The following IMMP2L variants were observed in gnomAD, a reference collection of about 807,000 sequenced individuals.
The protein encoded by IMMP2L is inner mitochondrial membrane peptidase subunit 2, also known as mitochondrial inner membrane protease subunit 2.
IMMP2L carries 18 observed loss-of-function variants against 19.3 expected under a neutral mutation model. The ratio of observed to expected loss-of-function variants is 0.93; its 90% CI spans 0.64 to 1.38. The LOEUF (loss-of-function observed/expected upper bound fraction) is 1.38. IMMP2L is among the 40% of genes most tolerant of loss of function. The probability of loss-of-function intolerance (pLI) is 0.00; values close to 1 mark genes in which losing one functional copy is unlikely to be tolerated. For synonymous variants in IMMP2L, 76 were observed against 73.0 expected, an observed-to-expected ratio of 1.04 and a Z score of -0.21; for missense variants, 233 against 218.2, an observed-to-expected ratio of 1.07 and a Z score of -0.43.
intron 1 of IMMP2L, among the ~76,000 whole-genome samples, chr7:111,538,354 G>C (rs1674941496): frequency 6.6e-6 from 1 of 152,102 alleles, no homozygotes; most frequent in African/African-American, 2.4e-5. Flanking sequence ...TTTTATGTGT[G>C]TGTGTGTTAG....
chr7:111,078,825 G>T (rs1367143100), intron 3 of IMMP2L, among the ~76,000 whole-genome samples: 1 of 152,112 alleles, frequency 6.6e-6, no homozygotes, highest in Non-Finnish European at 1.5e-5. Context: ...CCACCTACCA[G>T]GTTTCAGTGA....
chr7:110,811,522 C>T (rs1802035714), intron 5 of IMMP2L, among the ~76,000 whole-genome samples: 1 of 152,016 alleles, frequency 6.6e-6, no homozygotes, highest in Admixed American at 6.6e-5. Context: ...GTACAAACAA[C>T]TTTCCCTTTT....
At chr7:110,932,979 A>C (rs182858245) in intron 4 of IMMP2L, among the ~76,000 whole-genome samples, 52 of 152,280 alleles carry the variant, frequency 3.4e-4, no homozygotes, top group Admixed American at 3.1e-3. Context: ...AAGAGCTCTA[A>C]CTCTCTTTAG....
chr7:111,310,108 G>T (rs1823343284), intron 3 of IMMP2L, among the ~76,000 whole-genome samples: 1 of 151,818 alleles, frequency 6.6e-6, no homozygotes, highest in Non-Finnish European at 1.5e-5. Flanking sequence ...GGTGGTGTGT[G>T]CCTGTAATCC....
chr7:111,444,851 G>T (rs1274524050), intron 3 of IMMP2L, among the ~76,000 whole-genome samples: 3 of 152,038 alleles, frequency 2.0e-5, no homozygotes, highest in Non-Finnish European at 4.4e-5. Context: ...TCTAATTACA[G>T]TAGGAAGGTC....
intron 3 of IMMP2L, among the ~76,000 whole-genome samples, chr7:111,335,243 A>C (rs746069640): frequency 1.3e-5 from 2 of 152,086 alleles, no homozygotes; most frequent in Non-Finnish European, 2.9e-5. Context: ...TTAAAACCAT[A>C]TTTGATGAAA....
chr7:111,141,937 C>T (rs553123715), intron 3 of IMMP2L, among the ~76,000 whole-genome samples: 1 of 152,260 alleles, frequency 6.6e-6, no homozygotes, highest in South Asian at 2.1e-4. Context: ...CTCTTGGCCT[C>T]AAGAGATCCT....
intron 4 of IMMP2L, among the ~76,000 whole-genome samples, chr7:110,886,985 G>A (rs1810286422): frequency 6.6e-6 from 1 of 152,004 alleles, no homozygotes; most frequent in African/African-American, 2.4e-5. Context: ...TTCTAAATAT[G>A]TATTTATGAA....
chr7:111,123,476 T>A lies in IMMP2L; in HGVS notation c.240-159911A>T. 1 of 1,613,862 alleles carries A rather than the reference T, an allele frequency of 6.2e-7. No individual in the cohort carries two copies. Among genetic ancestry groups the A allele is most frequent in the Non-Finnish European group, 8.5e-7 (1 of 1,179,924 alleles). ...ATACCAGATAACGCCTTGGTTGGACTGGAAAACTTAGAAAGCATCTCTTTT... is the reference window on the plus strand; with the variant it reads ...ATACCAGATAACGCCTTGGTTGGACAGGAAAACTTAGAAAGCATCTCTTTT... On this transcript the variant is annotated intron_variant, in intron 3 of 5. Transcript: ENST00000405709. This position sits in a 1 kb window ranked among gnomAD's most constrained non-coding sequence, Gnocchi z 6.4.
intron 3 of IMMP2L, among the ~76,000 whole-genome samples, chr7:111,095,964 A>G (rs755284042): frequency 3.9e-5 from 6 of 151,960 alleles, no homozygotes; most frequent in Non-Finnish European, 8.8e-5. Context: ...GTAGGCAATG[A>G]TATCTCCTTA....
intron 3 of IMMP2L, among the ~76,000 whole-genome samples, chr7:111,015,346 A>T (rs1057469784): frequency 1.3e-5 from 2 of 152,176 alleles, no homozygotes; most frequent in African/African-American, 4.8e-5. Flanking sequence ...TGAGGTATCT[A>T]AACTAGTTAA....
chr7:111,518,342 C>G (rs1323196568), intron 2 of IMMP2L, among the ~76,000 whole-genome samples: 1 of 151,962 alleles, frequency 6.6e-6, no homozygotes, highest in African/African-American at 2.4e-5. Context: ...TTCAATAAAC[C>G]CAAAAGACTA....
At chr7:111,322,259 C>G (rs1824801994) in intron 3 of IMMP2L, among the ~76,000 whole-genome samples, 1 of 151,734 alleles carries the variant, frequency 6.6e-6, no homozygotes, top group Non-Finnish European at 1.5e-5. Context: ...TTATGCCAGA[C>G]CCATGGAAAT....
intron 5 of IMMP2L, among the ~76,000 whole-genome samples, chr7:110,729,892 T>A (rs1284286231): frequency 2.7e-4 from 41 of 151,920 alleles, no homozygotes; most frequent in Non-Finnish European, 1.5e-5. Flanking sequence ...AACCTGCACA[T>A]CCTGCACATG....
intron 5 of IMMP2L, among the ~76,000 whole-genome samples, chr7:110,746,631 A>G (rs991565612): frequency 1.3e-5 from 2 of 152,322 alleles, no homozygotes; most frequent in Non-Finnish European, 2.9e-5. Flanking sequence ...TAGAAACTGA[A>G]CAACCTGCTC....
chr7:110,939,004 C>A (rs1315121248), intron 4 of IMMP2L, among the ~76,000 whole-genome samples: 1 of 152,130 alleles, frequency 6.6e-6, no homozygotes, highest in Non-Finnish European at 1.5e-5. Flanking sequence ...CAGGCAGACT[C>A]TATTTGCCAC....
chr7:111,193,512 C>T (rs544949884), intron 3 of IMMP2L, among the ~76,000 whole-genome samples: 2 of 152,208 alleles, frequency 1.3e-5, no homozygotes, highest in Admixed American at 6.5e-5. Context: ...CCATCTCCAA[C>T]GACTTTTAAA....
intron 3 of IMMP2L, among the ~76,000 whole-genome samples, chr7:111,065,164 G>C (rs930178822): frequency 1.3e-5 from 2 of 152,162 alleles, no homozygotes; most frequent in East Asian, 1.9e-4. Flanking sequence ...AAACATGTTT[G>C]TGCATGTATA....
chr7:110,853,319 T>C (rs1806434659), intron 5 of IMMP2L, among the ~76,000 whole-genome samples: 1 of 151,990 alleles, frequency 6.6e-6, no homozygotes, highest in Admixed American at 6.6e-5. Flanking sequence ...GTATTAGTTT[T>C]ATCAGAAAAA....
Sources: allele counts gnomAD v4.1 joint callset (sites outside exome capture counted in the v4.1 genomes callset), GRCh38; gene constraint gnomAD v4.1.1; non-coding constraint Gnocchi (gnomAD v3.1); transcripts MANE v1.5; gene names NCBI Gene and HGNC (gene_info 2026-07-23, HGNC 2026-07-21).